Variants in FIBCD1 observed in about 807,000 individuals in gnomAD.
FIBCD1 encodes fibrinogen C domain containing 1.
FIBCD1 carries 47 observed loss-of-function variants against 45.1 expected under a neutral mutation model. That is an observed-to-expected ratio of 1.04 (90% CI 0.82 to 1.33). The LOEUF (loss-of-function observed/expected upper bound fraction) is 1.33. Among genes scored for constraint, FIBCD1 ranks in the 40% most tolerant of loss-of-function variants. The probability of loss-of-function intolerance (pLI) is 0.00; values close to 1 mark genes in which losing one functional copy is unlikely to be tolerated. For missense variants in FIBCD1, 653 were observed against 682.2 expected, an observed-to-expected ratio of 0.96 and a Z score of 0.48; for synonymous variants, 313 against 308.1, an observed-to-expected ratio of 1.02 and a Z score of -0.17.
intron 4 of FIBCD1, among the ~76,000 whole-genome samples, chr9:130,919,768 G>T (rs1000756267): frequency 3.3e-5 from 5 of 152,224 alleles, no homozygotes; most frequent in Non-Finnish European, 5.9e-5. Context: ...GTTGGGGGAC[G>T]TTGGCTGTGC....
chr9:130,913,895 C>G (rs1332171084), intron 4 of FIBCD1, among the ~76,000 whole-genome samples: 1 of 152,130 alleles, frequency 6.6e-6, no homozygotes, highest in Admixed American at 6.5e-5. Context: ...GACTGGGGAC[C>G]TGGGCATGCT....
chr9:130,933,587 C>T (rs1479032262), intron 1 of FIBCD1, among the ~76,000 whole-genome samples: 1 of 152,204 alleles, frequency 6.6e-6, no homozygotes, highest in African/African-American at 2.4e-5. Context: ...CCTACGAAGC[C>T]TTGGCCAAAA....
In FIBCD1 at chr9:130,903,829, C is replaced by T. The variant is rs1274416304; in HGVS notation, c.*235G>A. 3 of 619,884 alleles carry T rather than the reference C, an allele frequency of 4.8e-6. No homozygotes were observed. The highest frequency in any genetic ancestry group is 5.9e-6 in the Non-Finnish European group (2 of 339,702). 38.4% of individuals were successfully genotyped at this position (619,884 alleles called of 1,614,324 possible). ...TTGGGGTCGTCAAGTTTGCCAGCCC[C>T]CATCAGCAGAGGCAAGAGATCAGTG... is the stretch of plus-strand genomic sequence containing the variant. On this transcript the variant is annotated 3_prime_UTR_variant, in exon 7 of 7. Coordinates refer to ENST00000372338, the MANE Select transcript of FIBCD1 (RefSeq NM_032843.5).
Position 130,922,006 on chromosome 9 carries a change from C to T in FIBCD1, c.849+1738G>A, listed in dbSNP as rs182799903. Among the ~76,000 whole-genome samples, 645 of 152,308 alleles carry T rather than the reference C, an allele frequency of 4.2e-3. 2 individuals are homozygous for T. Among genetic ancestry groups the T allele is most frequent in the African/African-American group, 0.012 (491 of 41,572 alleles). ...CCGGCCGCCTGTGCGGGCCTCCCCG[C>T]GTCCTGCCTCTGCTGGGGACCGCTG... On this transcript the variant is annotated intron_variant, in intron 4 of 6. Transcript: ENST00000372338. This position sits in a 1 kb window ranked among gnomAD's most constrained non-coding sequence, Gnocchi z 4.5.
chr9:130,905,108 A>T, intron 6 of FIBCD1, 126 bp downstream of exon 6: 1 of 938,580 alleles, frequency 1.1e-6, no homozygotes, highest in African/African-American at 1.7e-5. Context: ...ATTTTTCAAA[A>T]ACCTGATTAC....
intron 5 of FIBCD1, among the ~76,000 whole-genome samples, chr9:130,909,426 A>G (rs868791121): frequency 6.6e-6 from 1 of 152,200 alleles, no homozygotes; most frequent in African/African-American, 2.4e-5. Flanking sequence ...ATGTATATTC[A>G]AAACCTGCAA....
At chr9:130,908,415 C>T (rs182281866) in intron 5 of FIBCD1, among the ~76,000 whole-genome samples, 248 of 152,302 alleles carry the variant, frequency 1.6e-3, no homozygotes, top group African/African-American at 5.5e-3. Context: ...TGGGTGGTGG[C>T]GAGGGCATGC....
intron 5 of FIBCD1, among the ~76,000 whole-genome samples, chr9:130,907,681 C>T (rs1468014929): frequency 1.3e-5 from 2 of 152,106 alleles, no homozygotes; most frequent in African/African-American, 2.4e-5. Flanking sequence ...GGGCAGATCA[C>T]GAGGTCAGGA....
intron 1 of FIBCD1, chr9:130,936,413 A>G (rs1369935259): frequency 6.6e-6 from 1 of 152,210 alleles, no homozygotes. Flanking sequence ...GCCTGTCTAC[A>G]TGCTGGGTCA....
At chr9:130,919,828 C>T (rs1300595043) in intron 4 of FIBCD1, among the ~76,000 whole-genome samples, 3 of 152,214 alleles carry the variant, frequency 2.0e-5, no homozygotes, top group Non-Finnish European at 4.4e-5. Flanking sequence ...CACTCCAAGT[C>T]CCTGCTGAAG....
chr9:130,907,520 A>C (rs530855392), intron 5 of FIBCD1, among the ~76,000 whole-genome samples: 4 of 152,334 alleles, frequency 2.6e-5, no homozygotes, highest in African/African-American at 2.4e-5. Flanking sequence ...AACAGACAGG[A>C]AACCACTAAG....
chr9:130,911,940 G>A (rs767769869), intron 4 of FIBCD1, 52 bp from the exon 5 acceptor site: 67 of 1,505,536 alleles, frequency 4.5e-5, no homozygotes, highest in African/African-American at 6.9e-5. Flanking sequence ...CCCAGGACTC[G>A]CAGCCCACCT....
intron 2 of FIBCD1, 127 bp from the exon 3 acceptor site, chr9:130,924,523 C>CGCCCT: frequency 1.1e-6 from 1 of 882,914 alleles, no homozygotes; most frequent in Admixed American, 2.9e-5. Context: ...CTCAAGGCCC[C>CGCCCT]GCCCTGCCCT....
In FIBCD1 at chr9:130,938,545, G is replaced by A; in HGVS notation, c.63C>T (p.Asp21=). The A allele has an allele frequency of 6.7e-7, 1 of 1,490,306 alleles. No homozygotes were observed. The highest frequency in any genetic ancestry group is 8.9e-7 in the Non-Finnish European group (1 of 1,125,778). The allele number at this position is 1,490,306 out of a possible 1,614,324, so 92.3% of individuals were successfully genotyped here. A position where few individuals can be genotyped will look rare whatever the true frequency, so the allele number is the denominator to read the frequency against. Residue 21 remains aspartate (D), a synonymous_variant, in exon 1 of 7, where the codon GAC becomes GAT. Coordinates refer to ENST00000372338, the MANE Select transcript of FIBCD1 (RefSeq NM_032843.5). ...CAGCGCCCGAGCGTACCTGCGGCTT[G>A]TCGCGCGGCCGGTCCTCAAGTTGGG... is the stretch of plus-strand genomic sequence containing the variant. ...GAAQLEDRPR[D]KPQRPSCGYV... is the part of the protein sequence containing the mutation.
chr9:130,935,552 G>A (rs921965700), intron 1 of FIBCD1, among the ~76,000 whole-genome samples: 7 of 152,216 alleles, frequency 4.6e-5, no homozygotes, highest in South Asian at 2.1e-4. Flanking sequence ...GGCCCAAGGC[G>A]TTTCCCAGAA....
In FIBCD1 at chr9:130,903,863, A is replaced by G. The variant is rs1044518381; in HGVS notation, c.*201T>C. 2.9e-6 allele frequency: 2 copies of G among 693,956 alleles called. No homozygotes were observed. Among genetic ancestry groups the G allele is most frequent in the Admixed American group, 4.5e-5 (2 of 44,136 alleles). 43.0% of individuals were successfully genotyped at this position (693,956 alleles called of 1,614,324 possible). ...GAGGCAAGAGATCAGTGAGCTGCCA[A>G]ATGGAGGGGGTGGGGACGGCGAGAA... On this transcript the variant is annotated 3_prime_UTR_variant, in exon 7 of 7. Transcript: ENST00000372338.
intron 5 of FIBCD1, among the ~76,000 whole-genome samples, chr9:130,906,772 C>T (rs1015830177): frequency 1.3e-5 from 2 of 152,228 alleles, no homozygotes; most frequent in South Asian, 2.1e-4. Flanking sequence ...GGCCCAGCAC[C>T]GTTCTCAGCC....
upstream of FIBCD1, among the ~76,000 whole-genome samples, chr9:130,939,839 TA>T (rs1320843213): frequency 6.6e-6 from 1 of 151,576 alleles, no homozygotes; most frequent in African/African-American, 2.4e-5. Context: ...ACAAAGTCCT[TA>T]ATCTGCGCGG....
At chr9:130,905,461 C>T (rs757511669) in intron 5 of FIBCD1, 48 bp from the exon 6 acceptor site, 14 of 1,559,388 alleles carry the variant, frequency 9.0e-6, no homozygotes, top group Middle Eastern at 1.7e-4. Flanking sequence ...GCGTAGGAAG[C>T]GACTCCCCAG....
Sources: allele counts gnomAD v4.1 joint callset (sites outside exome capture counted in the v4.1 genomes callset), GRCh38; gene constraint gnomAD v4.1.1; non-coding constraint Gnocchi (gnomAD v3.1); transcripts MANE v1.5; gene names NCBI Gene and HGNC (gene_info 2026-07-23, HGNC 2026-07-21).